The following WHRN variants were observed in gnomAD, a reference collection of about 807,000 sequenced individuals.
WHRN encodes whirlin.
WHRN carries 41 observed loss-of-function variants against 68.3 expected under a neutral mutation model. That is an observed-to-expected ratio of 0.60 (90% CI 0.47 to 0.78). WHRN has a LOEUF of 0.78. Among genes scored for constraint, WHRN ranks in the 30% least tolerant of loss-of-function variants. WHRN has a pLI of 0.00. For synonymous variants in WHRN, 560 were observed against 561.3 expected (o/e 1.00, Z 0.03); for missense variants, 1,243 against 1,244.7 (o/e 1.00, Z 0.02).
At chr9:114,486,951 GTGTGTGTGTATATA>G (rs1429520241) in intron 1 of WHRN, among the ~76,000 whole-genome samples, 21 of 90,296 alleles carry the variant, frequency 2.3e-4, no homozygotes, top group African/African-American at 1.1e-3. Context: ...TTGTGTGTGT[GTGTGTGTGTATATA>G]TATATATATA....
chr9:114,489,484 A>G (rs1034476571), intron 1 of WHRN, among the ~76,000 whole-genome samples: 2 of 131,566 alleles, frequency 1.5e-5, no homozygotes, highest in African/African-American at 5.8e-5. Context: ...ACACACGCAC[A>G]CACACGTACA....
intron 2 of WHRN, among the ~76,000 whole-genome samples, chr9:114,472,313 C>T (rs1424947452): frequency 6.6e-6 from 1 of 152,212 alleles, no homozygotes; most frequent in Non-Finnish European, 1.5e-5. Flanking sequence ...CCTGGTTGCC[C>T]ATGCCTGCTG....
chr9:114,409,688 T>C lies in WHRN; in HGVS notation c.1627-1670A>G, dbSNP rs560347556. The stretch of plus-strand genomic sequence containing the variant: ...GTGTCAGCCTTCACACTGGCTGTTG[T>C]CTCTGTCTGCGACTCTTCTGCTTGG... On this transcript the variant is annotated intron_variant, in intron 7 of 11. Coordinates refer to ENST00000362057, the MANE Select transcript of WHRN (RefSeq NM_015404.4). Among the ~76,000 whole-genome samples, 3 of 151,704 alleles carry C rather than the reference T, an allele frequency of 2.0e-5. No homozygotes were observed. In the South Asian group the frequency reaches 6.3e-4, roughly 32 times the overall value.
In WHRN at chr9:114,402,846, G is replaced by A. The variant is rs550276189; in HGVS notation, c.2632C>T (p.Arg878Trp). ...NGLTLRGKEH[R>W]EAARIIAEAF... ...TCGGCGATAATGCGGGCGGCCTCCC[G>A]GTGCTCCTTGCCCCGAAGCGTCAGC... Residue 878 changes from arginine to tryptophan, a missense_variant, in exon 12 of 12, where the codon CGG becomes TGG. By Grantham distance (101) the Arg-to-Trp change is moderately radical. Coordinates refer to ENST00000362057, the MANE Select transcript of WHRN (RefSeq NM_015404.4). 18 of 1,614,070 alleles carry A rather than the reference G, an allele frequency of 1.1e-5. 1 individual carries two copies. Among genetic ancestry groups the A allele is most frequent in the Middle Eastern group, 1.6e-4 (1 of 6,062 alleles).
intron 7 of WHRN, among the ~76,000 whole-genome samples, chr9:114,412,964 G>C (rs1289933797): frequency 6.6e-6 from 1 of 152,216 alleles, no homozygotes; most frequent in Non-Finnish European, 1.5e-5. Flanking sequence ...TGGGAGGGCT[G>C]TTACATAAAG....
intron 3 of WHRN, among the ~76,000 whole-genome samples, chr9:114,444,855 G>A (rs1230610252): frequency 1.3e-5 from 2 of 151,614 alleles, no homozygotes; most frequent in African/African-American, 2.4e-5. Flanking sequence ...TATGGAAGGT[G>A]GGGGAAAGAA....
intron 3 of WHRN, among the ~76,000 whole-genome samples, chr9:114,463,298 T>C (rs1840395255): frequency 6.6e-6 from 1 of 152,196 alleles, no homozygotes; most frequent in Non-Finnish European, 1.5e-5. Flanking sequence ...ATGCAGCAGG[T>C]GTTCTGGGAA....
At chr9:114,463,407 T>C (rs1188432821) in intron 3 of WHRN, among the ~76,000 whole-genome samples, 2 of 152,226 alleles carry the variant, frequency 1.3e-5, no homozygotes, top group African/African-American at 4.8e-5. Context: ...TTAGAAACTG[T>C]CTCTAATCTT....
At position 114,482,125 on chromosome 9, in the gene WHRN, C is replaced by A. The variant is rs534262642; in HGVS notation, c.619-3354G>T. Among the ~76,000 whole-genome samples the A allele has an allele frequency of 2.0e-5, 3 of 151,088 alleles. No homozygotes were observed. In the South Asian group the frequency reaches 6.3e-4, roughly 32 times the overall value. On this transcript the variant is annotated intron_variant, in intron 1 of 11. Coordinates refer to ENST00000362057, the MANE Select transcript of WHRN (RefSeq NM_015404.4). ...TAGCCAGGTCCATAGAAGGTCTTCA[C>A]GACACATGCCTGGTGAGAGACAAGG...
chr9:114,501,802 C>T (rs949729009), intron 1 of WHRN, among the ~76,000 whole-genome samples: 4 of 152,186 alleles, frequency 2.6e-5, no homozygotes, highest in African/African-American at 9.7e-5. Context: ...ATAAAATCCC[C>T]GACATGGTGA....
In WHRN at chr9:114,451,494, G is replaced by A. The variant is rs1839328892; in HGVS notation, c.963+14773C>T. Among the ~76,000 whole-genome samples, 3 of 152,256 alleles carry A rather than the reference G, an allele frequency of 2.0e-5. No homozygotes were observed. The South Asian group carries it at 6.2e-4, about 32-fold the overall frequency. ...TGCAGCAAATCATCAATAAATAGTT[G>A]CTTTTATGGCATTGTTATTATGGAG... On this transcript the variant is annotated intron_variant, in intron 3 of 11. Coordinates refer to ENST00000362057, the MANE Select transcript of WHRN (RefSeq NM_015404.4).
chr9:114,490,354 A>G (rs1195145592), intron 1 of WHRN, among the ~76,000 whole-genome samples: 2 of 152,236 alleles, frequency 1.3e-5, no homozygotes, highest in Non-Finnish European at 2.9e-5. Context: ...AGAGAAATGT[A>G]TGATGTCCAG....
chr9:114,484,526 C>T (rs1294916407), intron 1 of WHRN, among the ~76,000 whole-genome samples: 1 of 152,226 alleles, frequency 6.6e-6, no homozygotes, highest in Non-Finnish European at 1.5e-5. Flanking sequence ...TGAGCTACGG[C>T]TGAAAAGGAA....
chr9:114,505,092 C>A lies in WHRN; in HGVS notation c.-291G>T. The stretch of plus-strand genomic sequence containing the variant: ...GTTGGCTGCTGGAGCCCGGAGGTGG[C>A]GGAGACTGCTGCTGGAGTCCGGGGG... On this transcript the variant is annotated 5_prime_UTR_variant, in exon 1 of 12. Transcript: ENST00000362057. 2 of 368,592 alleles carry A rather than the reference C, an allele frequency of 5.4e-6. No homozygotes were observed. Among genetic ancestry groups the A allele is most frequent in the East Asian group, 4.8e-5 (1 of 21,020 alleles). 22.8% of individuals were successfully genotyped at this position (368,592 alleles called of 1,614,324 possible).
At chr9:114,422,508 T>C (rs1322161401) in intron 7 of WHRN, among the ~76,000 whole-genome samples, 1 of 152,206 alleles carries the variant, frequency 6.6e-6, no homozygotes, top group Non-Finnish European at 1.5e-5. Flanking sequence ...GATGGCCAGA[T>C]GCTTTGCTGG....
chr9:114,499,964 T>A (rs1247017523), intron 1 of WHRN, among the ~76,000 whole-genome samples: 1 of 70,720 alleles, frequency 1.4e-5, no homozygotes, highest in African/African-American at 5.0e-5. Flanking sequence ...AATAATTTTC[T>A]ATAAAAATAC....
intron 3 of WHRN, among the ~76,000 whole-genome samples, chr9:114,462,263 G>C (rs1840307277): frequency 6.6e-6 from 1 of 152,148 alleles, no homozygotes; most frequent in Non-Finnish European, 1.5e-5. Flanking sequence ...ACTCATCCAG[G>C]CTTCATCTCT....
rs1187853280 is a variant in WHRN at position 114,404,088 on chromosome 9, G to A, written c.2237-11C>T. On this transcript the variant is annotated splice_polypyrimidine_tract_variant and intron_variant, in intron 9 of 11. Coordinates refer to ENST00000362057, the MANE Select transcript of WHRN (RefSeq NM_015404.4). ...AGAGCGTAGAGGCTGCTGGAGAGGGGAAAAGGAAGAGAGAAGCAGCTTATA... is the reference window on the plus strand; with the variant it reads ...AGAGCGTAGAGGCTGCTGGAGAGGGAAAAAGGAAGAGAGAAGCAGCTTATA... The A allele has an allele frequency of 2.5e-6, 4 of 1,611,744 alleles. No individual in the cohort carries two copies. In the Middle Eastern group the frequency reaches 4.9e-4, roughly 199 times the overall value.
At position 114,470,439 on chromosome 9, in the gene WHRN, C is replaced by T. The variant is rs143311041; in HGVS notation, c.838-4047G>A. ...TGGGGGAAATGGCTGAGATTCACCTCCCTGGTGAGGGTGCCATGAGCCAGG... is the reference window on the plus strand; with the variant it reads ...TGGGGGAAATGGCTGAGATTCACCTTCCTGGTGAGGGTGCCATGAGCCAGG... On this transcript the variant is annotated intron_variant, in intron 2 of 11. Transcript: ENST00000362057. 4.3e-3 allele frequency among the ~76,000 whole-genome samples: 651 copies of T among 152,276 alleles called. 2 individuals are homozygous for T. Among genetic ancestry groups the T allele is most frequent in the African/African-American group, 0.015 (610 of 41,534 alleles).
Sources: allele counts gnomAD v4.1 joint callset (sites outside exome capture counted in the v4.1 genomes callset), GRCh38; gene constraint gnomAD v4.1.1; transcripts MANE v1.5; gene names NCBI Gene and HGNC (gene_info 2026-07-23, HGNC 2026-07-21).